The following BCLAF3 variants were observed in gnomAD, a reference collection of about 807,000 sequenced individuals.
BCLAF3 encodes BCLAF1 and THRAP3 family member 3.
In BCLAF3, 24 loss-of-function variants were observed where a neutral mutation model predicts 51.2. That is an observed-to-expected ratio of 0.47 (90% CI 0.34 to 0.66). BCLAF3 has a LOEUF of 0.66. Among genes scored for constraint, BCLAF3 ranks in the 30% least tolerant of loss-of-function variants. BCLAF3 has a pLI of 0.01. For synonymous variants in BCLAF3, 152 were observed against 176.6 expected (o/e 0.86, Z 1.10); for missense variants, 465 against 525.1 (o/e 0.89, Z 1.12).
intron 8 of BCLAF3, among the ~76,000 whole-genome samples, 161 bp downstream of exon 8, chrX:19,950,592 T>A (rs2071445587): frequency 8.9e-6 from 1 of 112,378 alleles, no homozygotes; most frequent in Non-Finnish European, 1.9e-5. Context: ...AATCACTGAA[T>A]AACCTGGAAA....
At chrX:19,927,500 T>C (rs1431107520) in intron 11 of BCLAF3, among the ~76,000 whole-genome samples, 1 of 112,203 alleles carries the variant, frequency 8.9e-6, no homozygotes, top group Middle Eastern at 4.2e-3. Context: ...TTTATGATTA[T>C]AAAAGTTATA....
chrX:19,971,328 C>T (rs888920637), intron 1 of BCLAF3, among the ~76,000 whole-genome samples: 3 of 111,985 alleles, frequency 2.7e-5, no homozygotes, highest in Non-Finnish European at 5.6e-5. Context: ...AGCAATCCTC[C>T]GACCTTGGCC....
At chrX:19,931,481 T>C (rs1162784555) in intron 10 of BCLAF3, among the ~76,000 whole-genome samples, 2 of 112,040 alleles carry the variant, frequency 1.8e-5, no homozygotes, top group African/African-American at 6.5e-5. Flanking sequence ...CATTAAGCTC[T>C]TGACTATGAA....
chrX:19,946,900 T>G (rs2071325712), intron 8 of BCLAF3, among the ~76,000 whole-genome samples: 1 of 112,322 alleles, frequency 8.9e-6, no homozygotes, highest in South Asian at 3.7e-4. Context: ...TCACCCTAAA[T>G]AAAACCATAT....
intron 7 of BCLAF3, among the ~76,000 whole-genome samples, 160 bp from the exon 8 acceptor site, chrX:19,951,028 C>T (rs934911051): frequency 8.9e-6 from 1 of 111,981 alleles, no homozygotes; most frequent in Non-Finnish European, 1.9e-5. Flanking sequence ...ACACAATTGA[C>T]AATAAACAGT....
chrX:19,973,110 T>A (rs1375165811), intron 1 of BCLAF3, among the ~76,000 whole-genome samples: 1 of 111,839 alleles, frequency 8.9e-6, no homozygotes, highest in Non-Finnish European at 1.9e-5. Context: ...GTATGAGGGT[T>A]CTAATTTTTC....
intron 11 of BCLAF3, among the ~76,000 whole-genome samples, chrX:19,920,469 T>C (rs1033367032): frequency 9.0e-6 from 1 of 111,100 alleles, no homozygotes; most frequent in African/African-American, 3.3e-5. Flanking sequence ...TAAATTCAAC[T>C]CCATTCAATA....
chrX:19,955,719 C>T (rs1490790880), intron 4 of BCLAF3, among the ~76,000 whole-genome samples, 153 bp from the exon 5 acceptor site: 1 of 111,739 alleles, frequency 8.9e-6, no homozygotes, highest in Non-Finnish European at 1.9e-5. Flanking sequence ...TGTACAATAA[C>T]AAGTAGGAGA....
chrX:19,913,476 G>T lies in BCLAF3; in HGVS notation c.*3829C>A, dbSNP rs1480405767. On this transcript the variant is annotated 3_prime_UTR_variant, in exon 12 of 12. Transcript: ENST00000379682. ...ACTTCAGATAAATGTTTCTTCATTGGTTCCTAAAAGGGATAAATAAGCCAG... is the reference window on the plus strand; with the variant it reads ...ACTTCAGATAAATGTTTCTTCATTGTTTCCTAAAAGGGATAAATAAGCCAG... 8.9e-6 allele frequency: 1 copy of T among 112,737 alleles called. No homozygotes were observed. Among genetic ancestry groups the T allele is most frequent in the Non-Finnish European group, 1.9e-5 (1 of 53,340 alleles). The allele number at this position is 112,737 out of a possible 1,213,427, so 9.3% of individuals were successfully genotyped here.
At chrX:19,956,207 T>C (rs774875661) in intron 4 of BCLAF3, among the ~76,000 whole-genome samples, 23 of 112,133 alleles carry the variant, frequency 2.1e-4, no homozygotes, top group Non-Finnish European at 3.0e-4. Context: ...CCATTTATTA[T>C]ATAACCCCGG....
At chrX:19,919,094 A>C (rs776589861) in intron 11 of BCLAF3, among the ~76,000 whole-genome samples, 1 of 111,095 alleles carries the variant, frequency 9.0e-6, no homozygotes, top group South Asian at 3.8e-4. Flanking sequence ...TTTTGGGGCC[A>C]TCTATAATTT....
intron 8 of BCLAF3, among the ~76,000 whole-genome samples, chrX:19,947,590 G>GA (rs913622265): frequency 1.8e-5 from 2 of 111,737 alleles, no homozygotes; most frequent in Non-Finnish European, 3.8e-5. Flanking sequence ...GTAGAGAACA[G>GA]ATGGGTCCTA....
intron 4 of BCLAF3, among the ~76,000 whole-genome samples, chrX:19,960,220 C>T (rs777170117): frequency 2.6e-4 from 29 of 111,443 alleles, no homozygotes; most frequent in Non-Finnish European, 3.2e-4. Flanking sequence ...CTAATATATA[C>T]TAAAGTTCAG....
chrX:19,932,810 G>A (rs1276921788), intron 10 of BCLAF3, among the ~76,000 whole-genome samples: 2 of 111,553 alleles, frequency 1.8e-5, no homozygotes, highest in African/African-American at 6.5e-5. Context: ...GGGATTACAG[G>A]CGTGAGCCAC....
At chrX:19,963,181 CTTTTT>C (rs10538654) in intron 4 of BCLAF3, among the ~76,000 whole-genome samples, 2 of 76,445 alleles carry the variant, frequency 2.6e-5, no homozygotes, top group Non-Finnish European at 2.6e-5. Flanking sequence ...TCCAAGCTCC[CTTTTT>C]TTTTTTTTTT....
intron 1 of BCLAF3, among the ~76,000 whole-genome samples, chrX:19,983,098 G>A (rs1436524725): frequency 9.4e-6 from 1 of 106,082 alleles, no homozygotes; most frequent in East Asian, 3.0e-4. Context: ...GGTACTATAG[G>A]TGTGCAGCAC....
At chrX:19,946,385 AG>A (rs1398666723) in intron 8 of BCLAF3, among the ~76,000 whole-genome samples, 1 of 112,155 alleles carries the variant, frequency 8.9e-6, no homozygotes, top group Non-Finnish European at 1.9e-5. Context: ...TGCTACATAC[AG>A]AGGATATGGG....
intron 1 of BCLAF3, among the ~76,000 whole-genome samples, chrX:19,976,872 T>C (rs1348432692): frequency 1.8e-5 from 2 of 111,981 alleles, no homozygotes; most frequent in African/African-American, 3.2e-5. Flanking sequence ...CAAACCTGCA[T>C]TGAACGAGTC....
intron 4 of BCLAF3, 71 bp downstream of exon 4, chrX:19,964,973 C>A: frequency 1.1e-6 from 1 of 932,381 alleles, no homozygotes; most frequent in Non-Finnish European, 1.4e-6. Flanking sequence ...CTATTAATTC[C>A]ATTTTTGAAG....
Sources: gnomAD v4.1 joint callset for allele counts (sites outside exome capture counted in the v4.1 genomes callset) on GRCh38, gnomAD v4.1.1 for gene constraint, MANE v1.5 for transcripts, NCBI Gene and HGNC (gene_info 2026-07-23, HGNC 2026-07-21) for gene names.